Variants in IDO1 observed in about 807,000 individuals in gnomAD.
IDO1 encodes indoleamine 2,3-dioxygenase 1.
In IDO1, 35 loss-of-function variants were observed where a neutral mutation model predicts 38.8. The observed-to-expected ratio is 0.90, with a 90% confidence interval of 0.69 to 1.20. The LOEUF is 1.20. Among genes scored for constraint, IDO1 ranks in the 50% most tolerant of loss-of-function variants. The pLI is 0.00. For synonymous variants in IDO1, 171 were observed against 170.0 expected (o/e 1.01, Z -0.05); for missense variants, 509 against 485.1 (o/e 1.05, Z -0.46).
At chr8:39,917,121 C>T (rs778146058) in intron 1 of IDO1, among the ~76,000 whole-genome samples, 2 of 152,116 alleles carry the variant, frequency 1.3e-5, no homozygotes, top group South Asian at 2.1e-4. Flanking sequence ...ATGAAATTAT[C>T]GAGCAGAGTG....
chr8:39,915,366 CA>C (rs776662582), intron 1 of IDO1, among the ~76,000 whole-genome samples: 39 of 152,148 alleles, frequency 2.6e-4, no homozygotes, highest in Non-Finnish European at 1.6e-4. Context: ...GTTTGTAGCT[CA>C]AACAGTTACA....
intron 9 of IDO1, among the ~76,000 whole-genome samples, chr8:39,925,905 A>C (rs1358385236): frequency 1.3e-5 from 2 of 151,270 alleles, no homozygotes; most frequent in African/African-American, 4.9e-5. Flanking sequence ...AAAAAATAAA[A>C]AGCCAGGTGC....
At position 39,918,198 on chromosome 8, in the gene IDO1, T is replaced by C. The variant is rs747360195; in HGVS notation, c.294T>C (p.Asp98=). ...ATGTGTGGGGCAAAGGTCATGGAGA[T>C]GTCCGTAAGGTTTGGAGATTTTCTC... ...MAYVWGKGHG[D]VRKVLPRNIA... is the part of the protein sequence containing the mutation. The change falls in exon 3 of 10, where the codon GAT becomes GAC. Residue 98 remains aspartate, a synonymous_variant. Coordinates refer to ENST00000518237, the MANE Select transcript of IDO1 (RefSeq NM_002164.6). The C allele has an allele frequency of 1.9e-6, 3 of 1,611,598 alleles. No individual in the cohort carries two copies. The highest frequency in any genetic ancestry group is 2.2e-5 in the South Asian group (2 of 90,996).
In IDO1 at chr8:39,922,582, T is replaced by C. The variant is rs185712428; in HGVS notation, c.468T>C (p.Asp156=). Residue 156 remains aspartate, a synonymous_variant, in exon 6 of 10, where the codon GAT becomes GAC. Coordinates refer to ENST00000518237, the MANE Select transcript of IDO1 (RefSeq NM_002164.6). ...TGGACGTTTTGTTCTCATTTCGTGA[T>C]GGAGACTGCAGTAAAGGATTCTTCC... ...ENMDVLFSFR[D]GDCSKGFFLV... 8.7e-6 allele frequency: 14 copies of C among 1,613,696 alleles called. No individual in the cohort carries two copies. The South Asian group carries it at 1.4e-4, about 16-fold the overall frequency.
At position 39,925,324 on chromosome 8, in the gene IDO1, T is replaced by C; in HGVS notation, c.809T>C (p.Phe270Ser). Residue 270 changes from phenylalanine to serine, a missense_variant, in exon 9 of 10, where the codon TTT (phenylalanine) becomes TCT (serine). Physicochemically the swap from Phe to Ser is radical, Grantham distance 155 (BLOSUM62 -2). Coordinates refer to ENST00000518237, the MANE Select transcript of IDO1 (RefSeq NM_002164.6). Reference protein sequence around the residue: ...AGGSAGQSSVFQCFDVLLGIQ... With the variant: ...AGGSAGQSSVSQCFDVLLGIQ... ...GGCAGTGCAGGCCAAAGCAGCGTCT[T>C]TCAGTGCTTTGACGTCCTGCTGGGC... The C allele has an allele frequency of 6.2e-7, 1 of 1,613,182 alleles. No individual in the cohort carries two copies. Among genetic ancestry groups the C allele is most frequent in the Non-Finnish European group, 8.5e-7 (1 of 1,179,606 alleles).
At position 39,928,256 on chromosome 8, in the gene IDO1, A is replaced by T; in HGVS notation, c.*71A>T. ...TGCATTCCTGTCATTACCCATTGTA[A>T]CAGAGCCACAAACTAATACTATGCA... is the stretch of plus-strand genomic sequence containing the variant. On this transcript the variant is annotated 3_prime_UTR_variant, in exon 10 of 10. Coordinates refer to ENST00000518237, the MANE Select transcript of IDO1 (RefSeq NM_002164.6). The T allele has an allele frequency of 4.7e-6, 5 of 1,068,790 alleles. No individual in the cohort carries two copies. Among genetic ancestry groups the T allele is most frequent in the Non-Finnish European group, 6.8e-6 (5 of 738,420 alleles). 66.2% of individuals were successfully genotyped at this position (1,068,790 alleles called of 1,614,324 possible). A position where few individuals can be genotyped will look rare whatever the true frequency, so the allele number is the denominator to read the frequency against.
In IDO1 at chr8:39,928,232, G is replaced by C; in HGVS notation, c.*47G>C. 7.5e-7 allele frequency: 1 copy of C among 1,330,588 alleles called. No homozygotes were observed. Among genetic ancestry groups the C allele is most frequent in the Non-Finnish European group, 1.0e-6 (1 of 956,944 alleles). The allele number at this position is 1,330,588 out of a possible 1,614,324, so 82.4% of individuals were successfully genotyped here. ...TTTATCATAGCAGAGACATCTGTAT[G>C]CATTCCTGTCATTACCCATTGTAAC... On this transcript the variant is annotated 3_prime_UTR_variant, in exon 10 of 10. Transcript: ENST00000518237.
chr8:39,923,678 T>C (rs1807314583), intron 7 of IDO1, 92 bp downstream of exon 7: 1 of 678,658 alleles, frequency 1.5e-6, no homozygotes, highest in Admixed American at 2.7e-5. Context: ...AAAGCAACTA[T>C]CACTTAGTAT....
At chr8:39,919,311 A>G (rs1289864237) in intron 4 of IDO1, among the ~76,000 whole-genome samples, 1 of 152,220 alleles carries the variant, frequency 6.6e-6, no homozygotes, top group East Asian at 1.9e-4. Flanking sequence ...TTGCCTTATC[A>G]AAAATTAGAT....
chr8:39,915,344 G>T (rs924122199), intron 1 of IDO1, among the ~76,000 whole-genome samples: 1 of 152,148 alleles, frequency 6.6e-6, no homozygotes, highest in Non-Finnish European at 1.5e-5. Context: ...TTCTGTAGAC[G>T]AGTGTATTTT....
intron 7 of IDO1, chr8:39,923,981 T>C (rs1040219471): frequency 6.5e-6 from 1 of 153,444 alleles, no homozygotes; most frequent in Admixed American, 6.5e-5. Flanking sequence ...ATTCTGTTTT[T>C]TTACAAATTA....
At chr8:39,918,746 C>CAAAAA (rs1214540367) in intron 3 of IDO1, 69 bp from the exon 4 acceptor site, 191 of 293,882 alleles carry the variant, frequency 6.5e-4, no homozygotes, top group East Asian at 1.3e-3. Flanking sequence ...GACTCCATCT[C>CAAAAA]AAAAAAAAAA....
intron 4 of IDO1, among the ~76,000 whole-genome samples, chr8:39,919,648 A>G (rs1586210418): frequency 6.6e-6 from 1 of 152,198 alleles, no homozygotes; most frequent in East Asian, 1.9e-4. Context: ...GATTCAATCT[A>G]GAAAGTTTCT....
intron 4 of IDO1, 167 bp downstream of exon 4, chr8:39,919,100 A>T (rs1282628976): frequency 2.7e-6 from 2 of 745,018 alleles, no homozygotes; most frequent in African/African-American, 3.4e-5. Flanking sequence ...TGTGTCTACC[A>T]CTACAAATGT....
At chr8:39,926,426 G>C (rs1056479085) in intron 9 of IDO1, among the ~76,000 whole-genome samples, 2 of 152,134 alleles carry the variant, frequency 1.3e-5, no homozygotes, top group African/African-American at 4.8e-5. Context: ...GCAGAGTCTG[G>C]GCCCTGCTCT....
At chr8:39,923,638 G>A (rs935955046) in intron 7 of IDO1, 52 bp downstream of exon 7, 23 of 1,049,376 alleles carry the variant, frequency 2.2e-5, no homozygotes, top group African/African-American at 3.2e-5. Context: ...AAATGTTCCA[G>A]GTGTAGAATA....
At chr8:39,924,315 A>C (rs1436441267) in intron 7 of IDO1, among the ~76,000 whole-genome samples, 20 of 152,216 alleles carry the variant, frequency 1.3e-4, no homozygotes. Context: ...GCAGTGAGCT[A>C]TGATCAATAC....
At chr8:39,925,129 C>A in intron 8 of IDO1, 94 bp from the exon 9 acceptor site, 1 of 1,168,702 alleles carries the variant, frequency 8.6e-7, no homozygotes, top group Non-Finnish European at 1.2e-6. Context: ...TCTCTTGTCA[C>A]CTTCTGTTCA....
chr8:39,923,635 C>G (rs753377290), intron 7 of IDO1, 49 bp downstream of exon 7: 1 of 1,101,500 alleles, frequency 9.1e-7, no homozygotes, highest in East Asian at 2.4e-5. Flanking sequence ...GTCAAATGTT[C>G]CAGGTGTAGA....
Sources: gnomAD v4.1 joint callset for allele counts (sites outside exome capture counted in the v4.1 genomes callset) on GRCh38, gnomAD v4.1.1 for gene constraint, MANE v1.5 for transcripts, NCBI Gene and HGNC (gene_info 2026-07-23, HGNC 2026-07-21) for gene names.